RGS5: variants seen among roughly 807,000 people sequenced by gnomAD.
The protein encoded by RGS5 is regulator of G-protein signalling 5.
Under a neutral mutation model 18.9 loss-of-function variants are expected in RGS5, and 20 were observed. That is an observed-to-expected ratio of 1.06 (90% CI 0.74 to 1.54). The LOEUF (loss-of-function observed/expected upper bound fraction) is 1.54, where lower values mean the gene tolerates loss of function less well. Among genes scored for constraint, RGS5 ranks in the 40% most tolerant of loss-of-function variants. RGS5 has a pLI of 0.00. For synonymous variants in RGS5, 57 were observed against 76.2 expected (o/e 0.75, Z 1.31); for missense variants, 201 against 211.8 (o/e 0.95, Z 0.32).
chr1:163,293,065 G>A (rs1649333065), intron 2 of RGS5, among the ~76,000 whole-genome samples: 1 of 152,072 alleles, frequency 6.6e-6, no homozygotes, highest in South Asian at 2.1e-4. Context: ...AATTGCTTTT[G>A]GTGTCTTCAT....
chr1:163,280,526 T>C (rs963331196), intron 2 of RGS5, among the ~76,000 whole-genome samples: 1 of 152,090 alleles, frequency 6.6e-6, no homozygotes, highest in African/African-American at 2.4e-5. Context: ...TTGTAATAGC[T>C]TTAAAAAATA....
intron 4 of RGS5, among the ~76,000 whole-genome samples, chr1:163,148,270 G>A (rs1010336151): frequency 2.0e-5 from 3 of 152,162 alleles, no homozygotes; most frequent in South Asian, 2.1e-4. Context: ...TTGGTTTCAC[G>A]TCTATTGGAG....
intron 1 of RGS5, among the ~76,000 whole-genome samples, chr1:163,208,749 G>A (rs1660025892): frequency 6.6e-6 from 1 of 151,948 alleles, no homozygotes; most frequent in Admixed American, 6.6e-5. Flanking sequence ...AGGCTTAAAA[G>A]CCACAACTTA....
intron 2 of RGS5, among the ~76,000 whole-genome samples, chr1:163,283,446 AATT>A (rs1218903815): frequency 6.6e-6 from 1 of 152,158 alleles, no homozygotes; most frequent in African/African-American, 2.4e-5. Context: ...ATGGAATAAT[AATT>A]ATCTCTTTAC....
chr1:163,296,469 C>T (rs1649421588), intron 2 of RGS5, among the ~76,000 whole-genome samples: 1 of 152,156 alleles, frequency 6.6e-6, no homozygotes, highest in African/African-American at 2.4e-5. Context: ...TGAGCTAAAA[C>T]TGGACTACTT....
In RGS5 at chr1:163,144,191, G is replaced by A. The variant is rs1263382679; in HGVS notation, c.*3151C>T. On this transcript the variant is annotated 3_prime_UTR_variant, in exon 5 of 5. Transcript: ENST00000313961. ...CAGTTAGTTCTGCATTTTAAAAGGT[G>A]TCTACCTGAAAGAAACAAAAAGTGT... 1 of 152,060 alleles carries A rather than the reference G, an allele frequency of 6.6e-6. No homozygotes were observed. Among genetic ancestry groups the A allele is most frequent in the Non-Finnish European group, 1.5e-5 (1 of 67,994 alleles). The allele number at this position is 152,060 out of a possible 1,614,324, so 9.4% of individuals were successfully genotyped here.
chr1:163,191,300 C>T (rs946947646), intron 1 of RGS5, among the ~76,000 whole-genome samples: 3 of 151,490 alleles, frequency 2.0e-5, no homozygotes, highest in African/African-American at 7.3e-5. Flanking sequence ...CCCTAGAGTG[C>T]GTTTTGCTTA....
At chr1:163,263,963 G>A (rs1417706891) in intron 2 of RGS5, among the ~76,000 whole-genome samples, 2 of 151,700 alleles carry the variant, frequency 1.3e-5, no homozygotes, top group African/African-American at 2.4e-5. Flanking sequence ...TATGGCTGAG[G>A]GTTGGTTCTG....
At chr1:163,263,608 G>A (rs1648506111) in intron 2 of RGS5, among the ~76,000 whole-genome samples, 1 of 152,046 alleles carries the variant, frequency 6.6e-6, no homozygotes, top group Non-Finnish European at 1.5e-5. Context: ...AGGAAAGTGG[G>A]AAAGAGGATT....
chr1:163,184,120 G>A (rs959408652), intron 1 of RGS5, among the ~76,000 whole-genome samples: 1 of 152,156 alleles, frequency 6.6e-6, no homozygotes, highest in African/African-American at 2.4e-5. Context: ...CTAAGTCAGA[G>A]ATCTGGGCTT....
intron 2 of RGS5, among the ~76,000 whole-genome samples, chr1:163,297,329 A>T (rs989373251): frequency 2.0e-5 from 3 of 152,152 alleles, no homozygotes; most frequent in African/African-American, 4.8e-5. Context: ...GCATTTTTTG[A>T]TCAGTAAAGA....
At chr1:163,272,249 T>C (rs567426441) in intron 2 of RGS5, among the ~76,000 whole-genome samples, 1 of 152,034 alleles carries the variant, frequency 6.6e-6, no homozygotes, top group East Asian at 1.9e-4. Flanking sequence ...CTTTTGCCTA[T>C]GTTTTAGATT....
At chr1:163,180,684 C>CTTTTT (rs1429373041) in intron 1 of RGS5, among the ~76,000 whole-genome samples, 29 of 81,850 alleles carry the variant, frequency 3.5e-4, no homozygotes, top group South Asian at 1.8e-3. Flanking sequence ...AGCCCTTACC[C>CTTTTT]TGTTTTTTTT....
chr1:163,216,912 G>A (rs554483350), intron 1 of RGS5, among the ~76,000 whole-genome samples: 1 of 152,290 alleles, frequency 6.6e-6, no homozygotes, highest in African/African-American at 2.4e-5. Context: ...TCACATTACA[G>A]TTGGCTTCAT....
intron 4 of RGS5, among the ~76,000 whole-genome samples, chr1:163,149,918 T>A (rs1453296250): frequency 6.6e-6 from 1 of 152,174 alleles, no homozygotes; most frequent in Admixed American, 6.5e-5. Flanking sequence ...CACATACATA[T>A]ACACAAGATG....
intron 1 of RGS5, among the ~76,000 whole-genome samples, chr1:163,173,783 A>G (rs1038367702): frequency 6.6e-6 from 1 of 152,156 alleles, no homozygotes; most frequent in African/African-American, 2.4e-5. Context: ...GTATAAAAAC[A>G]AAAGAACGTA....
intron 3 of RGS5, 105 bp downstream of exon 3, chr1:163,161,810 A>T (rs1013990244): frequency 9.5e-6 from 8 of 841,072 alleles, no homozygotes; most frequent in Non-Finnish European, 1.4e-5. Context: ...CAAAAATTGA[A>T]GAAATGTCAA....
chr1:163,184,299 C>T (rs896011777), intron 1 of RGS5, among the ~76,000 whole-genome samples: 5 of 151,448 alleles, frequency 3.3e-5, no homozygotes, highest in African/African-American at 1.2e-4. Flanking sequence ...TGACAGGAGA[C>T]CATCAGTTAT....
At chr1:163,151,832 AT>A (rs570995176) in intron 4 of RGS5, among the ~76,000 whole-genome samples, 31 of 152,176 alleles carry the variant, frequency 2.0e-4, no homozygotes, top group Non-Finnish European at 3.5e-4. Flanking sequence ...AACATCACTT[AT>A]CTGGAATGCT....
Sources: allele counts gnomAD v4.1 joint callset (sites outside exome capture counted in the v4.1 genomes callset), GRCh38; gene constraint gnomAD v4.1.1; transcripts MANE v1.5; gene names NCBI Gene and HGNC (gene_info 2026-07-23, HGNC 2026-07-21).